TAMM41: variants seen among roughly 807,000 people sequenced by gnomAD.
TAMM41 encodes the protein phosphatidate cytidylyltransferase, mitochondrial.
TAMM41 carries 36 observed loss-of-function variants against 44.1 expected under a neutral mutation model. That is an observed-to-expected ratio of 0.82 (90% CI 0.63 to 1.08). The LOEUF (loss-of-function observed/expected upper bound fraction) is 1.08, where lower values mean the gene tolerates loss of function less well. TAMM41 is among the 50% of genes least tolerant of loss of function. The probability of loss-of-function intolerance (pLI) is 0.00; values close to 1 mark genes in which losing one functional copy is unlikely to be tolerated. For missense variants in TAMM41, 417 were observed against 404.3 expected, an observed-to-expected ratio of 1.03 and a Z score of -0.27; for synonymous variants, 164 against 153.1, an observed-to-expected ratio of 1.07 and a Z score of -0.53.
chr3:11,794,077 A>G (rs939562017), intron 7 of TAMM41, among the ~76,000 whole-genome samples: 64 of 151,990 alleles, frequency 4.2e-4, no homozygotes, highest in Admixed American at 3.9e-3. Flanking sequence ...GATAACAGCT[A>G]TGGTCTCTGC....
chr3:11,841,686 A>G (rs1469162424), intron 2 of TAMM41, among the ~76,000 whole-genome samples: 2 of 152,220 alleles, frequency 1.3e-5, no homozygotes, highest in Non-Finnish European at 2.9e-5. Flanking sequence ...AGTGTCCTGC[A>G]TGACTCAAGT....
the TAMM41 span, among the ~76,000 whole-genome samples, chr3:11,723,380 G>A: frequency 5.9e-5 from 9 of 152,092 alleles, no homozygotes; most frequent in Admixed American, 3.3e-4. Flanking sequence ...AGGAGTTTGA[G>A]ACCAGCCTGG....
chr3:11,831,585 A>C (rs2078984281), intron 3 of TAMM41, among the ~76,000 whole-genome samples: 1 of 152,186 alleles, frequency 6.6e-6, no homozygotes, highest in Non-Finnish European at 1.5e-5. Flanking sequence ...TTATTTGTCA[A>C]ATACAGATAA....
intron 4 of TAMM41, among the ~76,000 whole-genome samples, chr3:11,819,907 A>T (rs2078445223): frequency 6.6e-6 from 1 of 152,142 alleles, no homozygotes; most frequent in Non-Finnish European, 1.5e-5. Context: ...AGCTCCATAA[A>T]ATAAGTACTA....
intron 3 of TAMM41, among the ~76,000 whole-genome samples, chr3:11,830,376 T>G (rs1427610035): frequency 1.3e-5 from 2 of 152,198 alleles, no homozygotes; most frequent in Non-Finnish European, 2.9e-5. Flanking sequence ...GAACGGGTTT[T>G]AGAGATAGGT....
intron 7 of TAMM41, among the ~76,000 whole-genome samples, chr3:11,792,185 T>C (rs74744406): frequency 6.6e-6 from 1 of 151,988 alleles, no homozygotes; most frequent in Non-Finnish European, 1.5e-5. Flanking sequence ...TTTTTTTTTT[T>C]GTTGCTGCTA....
the TAMM41 span, among the ~76,000 whole-genome samples, chr3:11,780,134 C>G: frequency 6.6e-6 from 1 of 152,252 alleles, no homozygotes; most frequent in Non-Finnish European, 1.5e-5. Context: ...ACTTTTGACA[C>G]TCTCTAGCTC....
chr3:11,777,454 C>T, the TAMM41 span, among the ~76,000 whole-genome samples: 1 of 152,146 alleles, frequency 6.6e-6, no homozygotes, highest in Non-Finnish European at 1.5e-5. Flanking sequence ...CTAACAGCTT[C>T]GTTGAGATAT....
intron 7 of TAMM41, 169 bp downstream of exon 7, chr3:11,807,664 T>C: frequency 6.5e-7 from 1 of 1,536,332 alleles, no homozygotes; most frequent in Non-Finnish European, 8.7e-7. Flanking sequence ...ACCACCAGGT[T>C]CTGCTGCTGT....
chr3:11,753,854 G>C, the TAMM41 span, among the ~76,000 whole-genome samples: 1 of 152,162 alleles, frequency 6.6e-6, no homozygotes, highest in Non-Finnish European at 1.5e-5. Flanking sequence ...TATGTCTGAC[G>C]TGAAGAAGGA....
At chr3:11,748,291 TTTA>T in the TAMM41 span, among the ~76,000 whole-genome samples, 255 of 152,006 alleles carry the variant, frequency 1.7e-3, 1 homozygote, top group African/African-American at 5.9e-3. Context: ...TATTTATTTA[TTTA>T]TTTTTTGAGA....
chr3:11,730,152 G>A, the TAMM41 span, among the ~76,000 whole-genome samples: 5 of 152,180 alleles, frequency 3.3e-5, no homozygotes, highest in Non-Finnish European at 5.9e-5. Flanking sequence ...GGGGCACGAT[G>A]GCTCAAGTTT....
chr3:11,729,521 CTTTCTTTTCTTTCTTTCAT>C, the TAMM41 span, among the ~76,000 whole-genome samples: 18 of 93,992 alleles, frequency 1.9e-4, 1 homozygote, highest in East Asian at 1.3e-3. Context: ...TTCTTTCTTT[CTTTCTTTTCTTTCTTTCAT>C]TTTTTTTTTT....
At chr3:11,829,088 T>C (rs944767201) in intron 4 of TAMM41, among the ~76,000 whole-genome samples, 1 of 152,148 alleles carries the variant, frequency 6.6e-6, no homozygotes, top group Non-Finnish European at 1.5e-5. Flanking sequence ...TTGTCTCAGT[T>C]TGGGACATAA....
chr3:11,843,388 A>AG (rs11421247), intron 2 of TAMM41, among the ~76,000 whole-genome samples: 7,947 of 152,308 alleles, frequency 0.052, 647 homozygotes, highest in African/African-American at 0.18. Flanking sequence ...CACACAACCT[A>AG]GGGGATTCTG....
the TAMM41 span, among the ~76,000 whole-genome samples, chr3:11,729,538 CATTTTTTTTTTTTT>C: frequency 0.37 from 24,409 of 65,266 alleles, 4,864 homozygotes; most frequent in Middle Eastern, 0.48. Flanking sequence ...TTCTTTCTTT[CATTTTTTTTTTTTT>C]TTTTTTTTTT....
chr3:11,823,254 GTTTT>G (rs912198535), intron 4 of TAMM41, among the ~76,000 whole-genome samples: 1 of 126,760 alleles, frequency 7.9e-6, no homozygotes, highest in African/African-American at 2.9e-5. Context: ...TGTTGTTGTT[GTTTT>G]TTTTTTTTTT....
At chr3:11,840,386 C>T (rs2079382318) in intron 2 of TAMM41, among the ~76,000 whole-genome samples, 1 of 152,016 alleles carries the variant, frequency 6.6e-6, no homozygotes, top group South Asian at 2.1e-4. Context: ...GCACGCGGTA[C>T]CACATCTGGC....
At chr3:11,729,538 CATTTTTTTTTTT>C in the TAMM41 span, among the ~76,000 whole-genome samples, 76 of 65,528 alleles carry the variant, frequency 1.2e-3, 11 homozygotes, top group African/African-American at 3.3e-3. Context: ...TTCTTTCTTT[CATTTTTTTTTTT>C]TTTTTTTTTT....
Sources: allele counts gnomAD v4.1 joint callset (sites outside exome capture counted in the v4.1 genomes callset), GRCh38; gene constraint gnomAD v4.1.1; transcripts MANE v1.5; gene names NCBI Gene and HGNC (gene_info 2026-07-23, HGNC 2026-07-21).